DENND1B: variants seen among roughly 807,000 people sequenced by gnomAD.
The protein encoded by DENND1B is DENN domain containing 1B.
A neutral mutation model predicts 90.1 loss-of-function variants in DENND1B; 59 were observed. That is an observed-to-expected ratio of 0.65 (90% CI 0.53 to 0.81). The LOEUF (loss-of-function observed/expected upper bound fraction) is 0.81. DENND1B is among the 40% of genes least tolerant of loss of function. The pLI is 0.00. For synonymous variants in DENND1B, 337 were observed against 324.6 expected (o/e 1.04, Z -0.41); for missense variants, 862 against 912.6 (o/e 0.94, Z 0.71).
chr1:197,769,740 G>A (rs191049924), intron 2 of DENND1B, among the ~76,000 whole-genome samples: 4 of 151,922 alleles, frequency 2.6e-5, no homozygotes, highest in Admixed American at 2.0e-4. Context: ...TTTCACCCAT[G>A]ATCATTTAAT....
At chr1:197,600,980 A>C (rs1676155178) in intron 13 of DENND1B, among the ~76,000 whole-genome samples, 1 of 151,514 alleles carries the variant, frequency 6.6e-6, no homozygotes, top group Non-Finnish European at 1.5e-5. Flanking sequence ...ACAGAGACAC[A>C]CATGGTTTTT....
chr1:197,552,146 G>GC, intron 16 of DENND1B: 8 of 832,580 alleles, frequency 9.6e-6, no homozygotes, highest in Non-Finnish European at 1.2e-5. Context: ...CTGAATTCCA[G>GC]CATCTATTTA....
At chr1:197,565,658 G>A (rs1672583218) in intron 15 of DENND1B, among the ~76,000 whole-genome samples, 1 of 105,788 alleles carries the variant, frequency 9.5e-6, no homozygotes, top group Non-Finnish European at 1.8e-5. Flanking sequence ...CCCCACAACA[G>A]TCCCCAGAGT....
rs570916637 is a variant in DENND1B at position 197,748,933 on chromosome 1, G to A, written c.82+23935C>T. Among the ~76,000 whole-genome samples, 196 of 152,150 alleles carry A rather than the reference G, an allele frequency of 1.3e-3. 2 individuals are homozygous for A. The highest frequency in any genetic ancestry group is 3.4e-3 in the Middle Eastern group (1 of 294). On this transcript the variant is annotated intron_variant, in intron 2 of 22. Coordinates refer to ENST00000620048, the MANE Select transcript of DENND1B (RefSeq NM_001195215.2). ...AATTAACAGATAGAGATCCTCAGTA[G>A]AAAAACAGAATCTATTAAAAAGATT... is the stretch of plus-strand genomic sequence containing the variant.
At chr1:197,762,596 T>C (rs1033345935) in intron 2 of DENND1B, among the ~76,000 whole-genome samples, 9 of 152,162 alleles carry the variant, frequency 5.9e-5, no homozygotes, top group Admixed American at 2.6e-4. Context: ...CAATCCCTAA[T>C]ACAATACAAT....
chr1:197,516,493 G>T (rs2208896), intron 20 of DENND1B, among the ~76,000 whole-genome samples: 3,891 of 151,844 alleles, frequency 0.026, 155 homozygotes, highest in African/African-American at 0.087. Context: ...AATAGCAGTA[G>T]AGATAATCTG....
chr1:197,529,261 T>A (rs1669420567), intron 20 of DENND1B, among the ~76,000 whole-genome samples: 2 of 10,580 alleles, frequency 1.9e-4, no homozygotes, highest in East Asian at 3.9e-3. Context: ...TGTGTGTGTG[T>A]GTGTGTGTAT....
chr1:197,751,339 G>A (rs907575498), intron 2 of DENND1B, among the ~76,000 whole-genome samples: 9 of 152,098 alleles, frequency 5.9e-5, no homozygotes, highest in Admixed American at 3.9e-4. Context: ...CACGGATCAA[G>A]AAAGAAGTCA....
rs1680375317 is a variant in DENND1B at position 197,642,741 on chromosome 1, G to A, written c.642C>T (p.Arg214=). The A allele has an allele frequency of 6.2e-7, 1 of 1,613,566 alleles. No homozygotes were observed. Among genetic ancestry groups the A allele is most frequent in the Non-Finnish European group, 8.5e-7 (1 of 1,179,732 alleles). The change falls in exon 10 of 23, where the codon CGC becomes CGT. Residue 214 remains arginine, a synonymous_variant. Transcript: ENST00000620048. ...QLYASMLHER[R]IVIISSKLST... is the part of the protein sequence containing the mutation. ...TTAATTTGCTCGAGATAATCACGAT[G>A]CGCCTTTCATGCAGCATACTGGCAT...
intron 3 of DENND1B, among the ~76,000 whole-genome samples, chr1:197,700,732 AAAC>A (rs1658939977): frequency 2.0e-5 from 3 of 152,218 alleles, no homozygotes; most frequent in Admixed American, 2.0e-4. Context: ...CAAGGAACTT[AAAC>A]AAATTTACAA....
At chr1:197,575,775 C>T (rs1571937115) in intron 15 of DENND1B, among the ~76,000 whole-genome samples, 1 of 152,180 alleles carries the variant, frequency 6.6e-6, no homozygotes, top group East Asian at 1.9e-4. Context: ...AGTTCATGTC[C>T]TTTGCAGGGA....
At chr1:197,606,819 A>C (rs1676724658) in intron 13 of DENND1B, 1 of 341,998 alleles carries the variant, frequency 2.9e-6, no homozygotes, top group African/African-American at 2.2e-5. Context: ...GTTTAAAGAA[A>C]CTCTGCCTAA....
chr1:197,732,923 C>G (rs554845070), intron 2 of DENND1B, among the ~76,000 whole-genome samples: 219 of 152,220 alleles, frequency 1.4e-3, no homozygotes, highest in African/African-American at 5.1e-3. Context: ...TAACACTGCC[C>G]ACCAGACCTA....
chr1:197,724,570 C>A (rs1054860403), intron 2 of DENND1B, among the ~76,000 whole-genome samples: 1 of 151,984 alleles, frequency 6.6e-6, no homozygotes, highest in Non-Finnish European at 1.5e-5. Flanking sequence ...TCAGGTCTTG[C>A]CTAACATAAA....
At chr1:197,677,476 G>A (rs1656208963) in intron 3 of DENND1B, among the ~76,000 whole-genome samples, 1 of 152,048 alleles carries the variant, frequency 6.6e-6, no homozygotes. Flanking sequence ...TCAGAAACAC[G>A]GTAGTTACCA....
At position 197,729,330 on chromosome 1, in the gene DENND1B, T is replaced by A. The variant is rs562733467; in HGVS notation, c.83-14256A>T. Among the ~76,000 whole-genome samples the A allele has an allele frequency of 2.0e-5, 3 of 152,310 alleles. No individual in the cohort carries two copies. In the South Asian group the frequency reaches 6.2e-4, roughly 32 times the overall value. On this transcript the variant is annotated intron_variant, in intron 2 of 22. Coordinates refer to ENST00000620048, the MANE Select transcript of DENND1B (RefSeq NM_001195215.2). Reference sequence around the variant, plus strand: ...ATTCAATGGATATATATAATGCAAATAAAATTATTCCCTATCATATCAATT... The same window carrying A: ...ATTCAATGGATATATATAATGCAAAAAAAATTATTCCCTATCATATCAATT...
intron 3 of DENND1B, among the ~76,000 whole-genome samples, chr1:197,695,977 T>A (rs954861136): frequency 3.3e-5 from 5 of 151,400 alleles, no homozygotes; most frequent in Non-Finnish European, 7.4e-5. Flanking sequence ...TATAAAAAAA[T>A]TGTTTACTAA....
At chr1:197,568,628 C>G (rs1672893382) in intron 15 of DENND1B, among the ~76,000 whole-genome samples, 2 of 152,042 alleles carry the variant, frequency 1.3e-5, no homozygotes, top group South Asian at 4.1e-4. Flanking sequence ...ACCAAAATGG[C>G]ATGGTACTAG....
chr1:197,705,429 A>G (rs1423789986), intron 3 of DENND1B, among the ~76,000 whole-genome samples: 1 of 152,144 alleles, frequency 6.6e-6, no homozygotes, highest in African/African-American at 2.4e-5. Context: ...CCACCATTAC[A>G]TGGTTAAGCG....
Sources: gnomAD v4.1 joint callset for allele counts (sites outside exome capture counted in the v4.1 genomes callset) on GRCh38, gnomAD v4.1.1 for gene constraint, MANE v1.5 for transcripts, NCBI Gene and HGNC (gene_info 2026-07-23, HGNC 2026-07-21) for gene names.